The following C5orf63 variants were observed in gnomAD, a reference collection of about 807,000 sequenced individuals.
C5orf63 encodes the protein glutaredoxin-like protein C5orf63.
Under a neutral mutation model 13.3 loss-of-function variants are expected in C5orf63, and 18 were observed. The observed-to-expected ratio is 1.36, with a 90% CI of 0.94 to 2.01. C5orf63 has a LOEUF of 2.01. Among genes scored for constraint, C5orf63 ranks in the 30% most tolerant of loss-of-function variants. The pLI is 0.00. For synonymous variants in C5orf63, 38 were observed against 44.7 expected (o/e 0.85, Z 0.60); for missense variants, 118 against 127.7 (o/e 0.92, Z 0.36).
Position 127,072,492 on chromosome 5 carries a change from C to A in C5orf63, c.-109-807G>T, listed in dbSNP as rs141226896. ...ACTTGTTCAGCATTGTGCACCAAGG[C>A]ATAGCTCTAGTGGCTGCTTAAACAA... On this transcript the variant is annotated intron_variant, in intron 1 of 4. Transcript: ENST00000296662. 7.9e-4 allele frequency among the ~76,000 whole-genome samples: 121 copies of A among 152,282 alleles called. 1 individual carries two copies. Among genetic ancestry groups the A allele is most frequent in the African/African-American group, 2.7e-3 (114 of 41,556 alleles).
At chr5:127,073,196 TA>T (rs113791040) in intron 1 of C5orf63, 7,226 of 138,284 alleles carry the variant, frequency 0.052, 246 homozygotes, top group South Asian at 0.13. Flanking sequence ...TGCTTTCTCT[TA>T]AAAAAAAAAA....
At chr5:127,064,581 G>A (rs1307783398) in intron 2 of C5orf63, among the ~76,000 whole-genome samples, 1 of 152,162 alleles carries the variant, frequency 6.6e-6, no homozygotes, top group Non-Finnish European at 1.5e-5. Flanking sequence ...CAGCCCTGGG[G>A]ACTGAGACGC....
chr5:127,064,049 C>G (rs1754220648), intron 2 of C5orf63, among the ~76,000 whole-genome samples: 1 of 152,158 alleles, frequency 6.6e-6, no homozygotes, highest in Non-Finnish European at 1.5e-5. Flanking sequence ...CCCAGTGTGC[C>G]TCTGTGCTTT....
intron 3 of C5orf63, among the ~76,000 whole-genome samples, chr5:127,056,211 G>A (rs1364876417): frequency 6.6e-6 from 1 of 152,172 alleles, no homozygotes; most frequent in Admixed American, 6.5e-5. Context: ...CCTCAAGAAT[G>A]GGCCAATCAG....
chr5:127,046,447 C>T (rs1310911747), downstream of C5orf63: 1 of 152,238 alleles, frequency 6.6e-6, no homozygotes, highest in Non-Finnish European at 1.5e-5. Context: ...GGTTCATGTC[C>T]TTATTACTCC....
At chr5:127,052,564 C>A in intron 4 of C5orf63, 49 bp downstream of exon 4, 1 of 1,247,300 alleles carries the variant, frequency 8.0e-7, no homozygotes, top group South Asian at 1.9e-5. Context: ...CTTTATACCA[C>A]ATCTAATATG....
chr5:127,065,346 G>C (rs1754288771), intron 2 of C5orf63, among the ~76,000 whole-genome samples: 1 of 152,154 alleles, frequency 6.6e-6, no homozygotes, highest in South Asian at 2.1e-4. Context: ...CTGTAACAGG[G>C]CCATATAATT....
intron 2 of C5orf63, among the ~76,000 whole-genome samples, chr5:127,063,683 C>T (rs1366109251): frequency 6.6e-6 from 1 of 152,138 alleles, no homozygotes; most frequent in Non-Finnish European, 1.5e-5. Flanking sequence ...GGAGCTTGTT[C>T]ACAAGAATAT....
At chr5:127,063,362 C>T (rs1303273090) in intron 2 of C5orf63, among the ~76,000 whole-genome samples, 1 of 151,840 alleles carries the variant, frequency 6.6e-6, no homozygotes, top group East Asian at 1.9e-4. Flanking sequence ...TCGTTTGAGT[C>T]TTTATTAAAG....
intron 2 of C5orf63, among the ~76,000 whole-genome samples, chr5:127,059,340 A>G (rs543556747): frequency 6.6e-6 from 1 of 152,264 alleles, no homozygotes; most frequent in South Asian, 2.1e-4. Context: ...ATGATCCCCT[A>G]AAATATGGAG....
chr5:127,068,103 C>T (rs12655726), intron 2 of C5orf63, among the ~76,000 whole-genome samples: 6,541 of 152,114 alleles, frequency 0.043, 265 homozygotes, highest in South Asian at 0.14. Flanking sequence ...CAGTTTCAGC[C>T]ACAATTAAAT....
intron 2 of C5orf63, among the ~76,000 whole-genome samples, chr5:127,070,796 G>A (rs1754509531): frequency 6.6e-6 from 1 of 152,172 alleles, no homozygotes; most frequent in African/African-American, 2.4e-5. Flanking sequence ...TGTGGAGACA[G>A]GACTGGTGGA....
chr5:127,069,411 C>T (rs1342130083), intron 2 of C5orf63, among the ~76,000 whole-genome samples: 2 of 152,172 alleles, frequency 1.3e-5, no homozygotes. Flanking sequence ...ATTTAAAAAG[C>T]ACATAATCCC....
At chr5:127,072,352 T>C (rs1754577592) in intron 1 of C5orf63, among the ~76,000 whole-genome samples, 1 of 152,204 alleles carries the variant, frequency 6.6e-6, no homozygotes, top group African/African-American at 2.4e-5. Flanking sequence ...TTACCTATAA[T>C]GCACCCCAAT....
chr5:127,070,017 A>C (rs963307576), intron 2 of C5orf63, among the ~76,000 whole-genome samples: 2 of 152,206 alleles, frequency 1.3e-5, no homozygotes, highest in African/African-American at 4.8e-5. Flanking sequence ...TTCCCAAAAA[A>C]TCGCAAAACA....
At chr5:127,048,448 T>C (rs1423976029), downstream of C5orf63, among the ~76,000 whole-genome samples, 1 of 152,152 alleles carries the variant, frequency 6.6e-6, no homozygotes, top group Non-Finnish European at 1.5e-5. Context: ...CGCTTTCCAG[T>C]GAGTCCAACT....
intron 2 of C5orf63, among the ~76,000 whole-genome samples, chr5:127,061,996 T>C (rs116162582): frequency 1.6e-4 from 24 of 152,334 alleles, no homozygotes; most frequent in Non-Finnish European, 2.9e-4. Context: ...TTAAGATTTA[T>C]TGACGTCTGG....
At chr5:127,057,873 A>C (rs1753949241) in intron 3 of C5orf63, among the ~76,000 whole-genome samples, 1 of 152,172 alleles carries the variant, frequency 6.6e-6, no homozygotes, top group Non-Finnish European at 1.5e-5. Flanking sequence ...CACAGTGCTG[A>C]AGTGCTGGCT....
rs1703602487 is a variant in C5orf63 at position 127,055,390 on chromosome 5, C to G, written c.115-2721G>C. Among the ~76,000 whole-genome samples, 4 of 152,324 alleles carry G rather than the reference C, an allele frequency of 2.6e-5. No homozygotes were observed. In the South Asian group the frequency reaches 8.3e-4, roughly 32 times the overall value. On this transcript the variant is annotated intron_variant, in intron 3 of 4. Transcript: ENST00000296662. ...GGCTACATCGGCAGATTTTAAAGGT[C>G]TGACTGAACAGGGACCTGCTATAGG...
Sources: allele counts gnomAD v4.1 joint callset (sites outside exome capture counted in the v4.1 genomes callset), GRCh38; gene constraint gnomAD v4.1.1; transcripts MANE v1.5; gene names NCBI Gene and HGNC (gene_info 2026-07-23, HGNC 2026-07-21).